RYR1: variants seen among roughly 807,000 people sequenced by gnomAD.
RYR1 encodes ryanodine receptor 1, also known as central core disease of muscle.
RYR1 carries 342 observed loss-of-function variants against 583.5 expected under a neutral mutation model. The observed-to-expected ratio is 0.59, with a 90% CI of 0.54 to 0.64. RYR1 has a LOEUF of 0.64. Ranked by LOEUF, RYR1 falls within the 30% of genes least tolerant of loss-of-function variation. RYR1 has a pLI of 0.00. For missense variants in RYR1, 6,032 were observed against 6,917.2 expected, an observed-to-expected ratio of 0.87 and a Z score of 4.54; for synonymous variants, 2,791 against 2,822.5, an observed-to-expected ratio of 0.99 and a Z score of 0.35.
At chr19:38,507,850 T>C in intron 58 of RYR1, 23 bp downstream of exon 58, 1 of 1,474,536 alleles carries the variant, frequency 6.8e-7, no homozygotes, top group Non-Finnish European at 9.4e-7. Context: ...ACCCCCCGCT[T>C]ATGCCCGCCC....
intron 3 of RYR1, among the ~76,000 whole-genome samples, chr19:38,442,735 A>C (rs1600637937): frequency 6.6e-6 from 1 of 151,966 alleles, no homozygotes; most frequent in Admixed American, 6.6e-5. Flanking sequence ...CCCCCACCCC[A>C]GTTGTCAGGG....
rs111512034 is a variant in RYR1, at chr19:38,570,529, C to A, written c.13660-78C>A. ...ATTGAGAGCCCAGGTACTTTGATTG[C>A]AGGTAAATGATGGGATGAATTCTCC... On this transcript the variant is annotated intron_variant, in intron 93 of 105. Coordinates refer to ENST00000359596, the MANE Select transcript of RYR1 (RefSeq NM_000540.3). 0.043 allele frequency: 42,298 copies of A among 988,658 alleles called. 1,245 individuals carry two copies. The highest frequency in any genetic ancestry group is 0.067 in the Middle Eastern group (304 of 4,506). The allele number at this position is 988,658 out of a possible 1,614,324, so 61.2% of individuals were successfully genotyped here. A position where few individuals can be genotyped will look rare whatever the true frequency, so the allele number is the denominator to read the frequency against.
At chr19:38,445,612 G>A (rs1419433382) in intron 7 of RYR1, among the ~76,000 whole-genome samples, 1 of 151,872 alleles carries the variant, frequency 6.6e-6, no homozygotes, top group Non-Finnish European at 1.5e-5. Flanking sequence ...TCGTTCCTAC[G>A]TCATACCCCA....
chr19:38,523,594 C>T (rs1274995473), intron 69 of RYR1: 2 of 602,602 alleles, frequency 3.3e-6, no homozygotes, highest in Non-Finnish European at 5.9e-6. Flanking sequence ...TTTCCCTCCT[C>T]TCCATTTTCC....
At chr19:38,445,058 A>G (rs761920460) in intron 7 of RYR1, among the ~76,000 whole-genome samples, 12 of 151,802 alleles carry the variant, frequency 7.9e-5, no homozygotes, top group Non-Finnish European at 1.6e-4. Flanking sequence ...GGAGTTTGAG[A>G]CCAGCCTGGC....
intron 11 of RYR1, among the ~76,000 whole-genome samples, chr19:38,451,094 G>A (rs544660805): frequency 1.1e-4 from 16 of 152,338 alleles, no homozygotes; most frequent in African/African-American, 3.8e-4. Flanking sequence ...CCAGTGCCTA[G>A]AACAGAGCCA....
chr19:38,495,052 A>G (rs188860205), intron 39 of RYR1, among the ~76,000 whole-genome samples: 7 of 151,884 alleles, frequency 4.6e-5, no homozygotes, highest in African/African-American at 1.7e-4. Flanking sequence ...GGGTTTCACC[A>G]TGTTGATCAG....
chr19:38,444,146 T>C lies in RYR1; in HGVS notation c.425-3T>C, dbSNP rs780852727. The C allele has an allele frequency of 1.2e-6, 2 of 1,612,592 alleles. No homozygotes were observed. Reference sequence around the variant, plus strand: ...GCCACCCCCATTCCATCCCCACCCATAGGAGAGGCTTGCTGGTGGACCATG... The same window carrying C: ...GCCACCCCCATTCCATCCCCACCCACAGGAGAGGCTTGCTGGTGGACCATG... On this transcript the variant is annotated splice_polypyrimidine_tract_variant and splice_region_variant and intron_variant, in intron 5 of 105. Transcript: ENST00000359596. The surrounding 1 kb of genome is among the most constrained non-coding windows in gnomAD (Gnocchi z 5.1).
At chr19:38,538,681 T>C (rs914682451) in intron 84 of RYR1, 1 of 152,408 alleles carries the variant, frequency 6.6e-6, no homozygotes, top group Non-Finnish European at 1.5e-5. Context: ...ATCACTTGTT[T>C]ATTTTGCTTA....
intron 16 of RYR1, 43 bp from the exon 17 acceptor site, chr19:38,457,454 C>A (rs752840481): frequency 1.9e-6 from 3 of 1,614,012 alleles, no homozygotes. Flanking sequence ...TAGATCCTGC[C>A]CTGGTGCCTA....
chr19:38,489,545 C>G, intron 35 of RYR1, 102 bp downstream of exon 35: 1 of 1,324,528 alleles, frequency 7.5e-7, no homozygotes. Flanking sequence ...CAGTGGGGAG[C>G]TGTGGAAATG....
chr19:38,536,198 G>C, intron 82 of RYR1, 128 bp downstream of exon 82: 1 of 825,436 alleles, frequency 1.2e-6, no homozygotes, highest in Non-Finnish European at 1.9e-6. Flanking sequence ...GGCTCCCTCG[G>C]GTCCCTCCCT....
In RYR1 at chr19:38,543,913, G is replaced by C; in HGVS notation, c.12012+38G>C. 1.3e-6 allele frequency: 2 copies of C among 1,590,014 alleles called. No individual in the cohort carries two copies. Among genetic ancestry groups the C allele is most frequent in the Non-Finnish European group, 1.7e-6 (2 of 1,165,426 alleles). On this transcript the variant is annotated intron_variant, in intron 87 of 105. Transcript: ENST00000359596. This position sits in a 1 kb window ranked among gnomAD's most constrained non-coding sequence, Gnocchi z 4.4. ...CTGGTCTCCATCCACCTGCTTCCGG[G>C]CGTCCCCCAAGTGGTCCATTTCCAA...
At position 38,466,985 on chromosome 19, in the gene RYR1, A is replaced by G. The variant is rs556749534; in HGVS notation, c.3178+587A>G. Among the ~76,000 whole-genome samples the G allele has an allele frequency of 3.9e-5, 6 of 152,186 alleles. No individual in the cohort carries two copies. The highest frequency in any genetic ancestry group is 1.3e-4 in the Admixed American group (2 of 15,286). ...CCAGAGCCGTCAGCCTAGGAACCCAATGAGTGCCAACCCCACCTTTGACTC... is the reference window on the plus strand; with the variant it reads ...CCAGAGCCGTCAGCCTAGGAACCCAGTGAGTGCCAACCCCACCTTTGACTC... On this transcript the variant is annotated intron_variant, in intron 24 of 105. Transcript: ENST00000359596.
chr19:38,573,579 C>G (rs908707464), intron 96 of RYR1, among the ~76,000 whole-genome samples: 1 of 151,836 alleles, frequency 6.6e-6, no homozygotes, highest in Non-Finnish European at 1.5e-5. Flanking sequence ...ACTGGGAAGG[C>G]TGAATCAGAA....
chr19:38,493,496 A>AT (rs1358469317), intron 38 of RYR1, among the ~76,000 whole-genome samples: 4 of 143,680 alleles, frequency 2.8e-5, no homozygotes, highest in South Asian at 2.2e-4. Flanking sequence ...ACGAGTTTAG[A>AT]TTTTTTCTTT....
chr19:38,523,655 A>C (rs1208272449), intron 69 of RYR1: 27 of 585,616 alleles, frequency 4.6e-5, no homozygotes, highest in Middle Eastern at 3.4e-4. Context: ...CCTCCTCCCC[A>C]TTTTCCCCCT....
rs750513397 is a variant in RYR1, at chr19:38,496,501, C to T, written c.6756C>T (p.Asp2252=). The part of the protein sequence containing the change: ...ISRQNQRSMF[D]HLSYLLENSG... ...GGCAGAACCAGCGCTCCATGTTTGACCACCTGAGCTACCTGCTGGAGAACA... is the reference window on the plus strand; with the variant it reads ...GGCAGAACCAGCGCTCCATGTTTGATCACCTGAGCTACCTGCTGGAGAACA... The change falls in exon 41 of 106, where the codon GAC becomes GAT. Residue 2252 remains aspartate (D), a synonymous_variant. Transcript: ENST00000359596. This position sits in a 1 kb window ranked among gnomAD's most constrained non-coding sequence, Gnocchi z 4.8. The T allele has an allele frequency of 6.2e-7, 1 of 1,613,520 alleles. No homozygotes were observed. Among genetic ancestry groups the T allele is most frequent in the Non-Finnish European group, 8.5e-7 (1 of 1,180,044 alleles).
At chr19:38,525,899 C>G (rs1399243953) in intron 71 of RYR1, among the ~76,000 whole-genome samples, 1 of 151,802 alleles carries the variant, frequency 6.6e-6, no homozygotes, top group Non-Finnish European at 1.5e-5. Flanking sequence ...CCCCTTCAAG[C>G]CCCTTGGGAC....
Sources: gnomAD v4.1 joint callset for allele counts (sites outside exome capture counted in the v4.1 genomes callset) on GRCh38, gnomAD v4.1.1 for gene constraint, Gnocchi (gnomAD v3.1) non-coding constraint, MANE v1.5 for transcripts, NCBI Gene and HGNC (gene_info 2026-07-23, HGNC 2026-07-21) for gene names.